Variants in AUTS2 observed in about 807,000 individuals in gnomAD.
AUTS2 encodes autism susceptibility gene 2 protein.
A neutral mutation model predicts 112.4 loss-of-function variants in AUTS2; 17 were observed. The ratio of observed to expected loss-of-function variants is 0.15; its 90% CI spans 0.10 to 0.23. AUTS2 has a LOEUF of 0.23. AUTS2 is among the 10% of genes least tolerant of loss of function. AUTS2 has a pLI of 1.00. For synonymous variants in AUTS2, 751 were observed against 702.7 expected (o/e 1.07, Z -1.09); for missense variants, 1,510 against 1,701.6 (o/e 0.89, Z 1.98).
At position 70,766,029 on chromosome 7, in the gene AUTS2, A is replaced by G; in HGVS notation, c.1469-85A>G. The G allele has an allele frequency of 6.5e-7, 1 of 1,539,628 alleles. No individual in the cohort carries two copies. Among genetic ancestry groups the G allele is most frequent in the Non-Finnish European group, 8.8e-7 (1 of 1,140,014 alleles). On this transcript the variant is annotated intron_variant, in intron 8 of 18. Coordinates refer to ENST00000342771, the MANE Select transcript of AUTS2 (RefSeq NM_015570.4). The surrounding 1 kb of genome is among the most constrained non-coding windows in gnomAD (Gnocchi z 4.8). ...CTGTCACCCCTGCCACTGTGTCACC[A>G]GCCCCGTACCCCTCCACAGGAAGGC...
chr7:70,627,863 C>G (rs1006416159), intron 5 of AUTS2, among the ~76,000 whole-genome samples: 2 of 152,134 alleles, frequency 1.3e-5, no homozygotes, highest in Non-Finnish European at 2.9e-5. Flanking sequence ...TAAACGTGGT[C>G]AGGATGTCAT....
At chr7:70,636,411 T>G (rs182827007) in intron 5 of AUTS2, among the ~76,000 whole-genome samples, 4 of 152,234 alleles carry the variant, frequency 2.6e-5, no homozygotes, top group Admixed American at 2.6e-4. Flanking sequence ...TGACCACTAT[T>G]AAGACAGATC....
intron 2 of AUTS2, among the ~76,000 whole-genome samples, chr7:69,920,335 C>A (rs1447426930): frequency 6.6e-6 from 1 of 151,852 alleles, no homozygotes; most frequent in Non-Finnish European, 1.5e-5. Context: ...CTTTGTCACT[C>A]AGGTTGAAGT....
intron 4 of AUTS2, among the ~76,000 whole-genome samples, chr7:70,392,023 C>G (rs1166050220): frequency 2.0e-5 from 3 of 152,096 alleles, no homozygotes; most frequent in East Asian, 1.9e-4. Flanking sequence ...GTGAAGTTTC[C>G]CCCGGGAAAT....
At chr7:70,377,537 A>G (rs1793168209) in intron 4 of AUTS2, among the ~76,000 whole-genome samples, 1 of 151,074 alleles carries the variant, frequency 6.6e-6, no homozygotes, top group Non-Finnish European at 1.5e-5. Flanking sequence ...GGCATTAAAT[A>G]CATTCGCATT....
intron 5 of AUTS2, among the ~76,000 whole-genome samples, chr7:70,462,585 A>G (rs891814688): frequency 6.6e-6 from 1 of 152,142 alleles, no homozygotes; most frequent in Admixed American, 6.5e-5. Context: ...TCTACATCCT[A>G]TAGTTGTGAT....
At chr7:69,877,803 A>G (rs1028282833) in intron 1 of AUTS2, among the ~76,000 whole-genome samples, 7 of 152,184 alleles carry the variant, frequency 4.6e-5, no homozygotes, top group Non-Finnish European at 8.8e-5. Context: ...GGAACATCCT[A>G]CAGACCACTG....
At chr7:70,411,568 TAA>T (rs1008802364) in intron 4 of AUTS2, among the ~76,000 whole-genome samples, 3 of 148,450 alleles carry the variant, frequency 2.0e-5, no homozygotes, top group Admixed American at 2.0e-4. Context: ...TGGTCACATT[TAA>T]AAAAAAAAGT....
At chr7:70,731,159 A>G (rs908042304) in intron 6 of AUTS2, among the ~76,000 whole-genome samples, 1 of 152,134 alleles carries the variant, frequency 6.6e-6, no homozygotes, top group African/African-American at 2.4e-5. Flanking sequence ...TACTCTTAAA[A>G]TGATGTGCAA....
intron 5 of AUTS2, among the ~76,000 whole-genome samples, chr7:70,667,455 G>A (rs926440941): frequency 2.0e-5 from 3 of 152,120 alleles, no homozygotes; most frequent in African/African-American, 7.2e-5. Context: ...TTGACACAAG[G>A]CCCCCAAAGA....
intron 2 of AUTS2, among the ~76,000 whole-genome samples, chr7:70,069,263 C>T (rs1018844205): frequency 2.0e-5 from 3 of 152,190 alleles, no homozygotes; most frequent in African/African-American, 7.2e-5. Flanking sequence ...TGTTTGTGAT[C>T]AGACAACCCT....
At chr7:70,453,414 T>C (rs1796610771) in intron 5 of AUTS2, among the ~76,000 whole-genome samples, 1 of 152,208 alleles carries the variant, frequency 6.6e-6, no homozygotes, top group South Asian at 2.1e-4. Flanking sequence ...CAATGTAACA[T>C]AGGATGTGTT....
At chr7:70,597,199 G>A (rs1174848954) in intron 5 of AUTS2, among the ~76,000 whole-genome samples, 2 of 152,166 alleles carry the variant, frequency 1.3e-5, no homozygotes, top group Non-Finnish European at 2.9e-5. Flanking sequence ...AACAGCTTGG[G>A]CCAAGCAAGA....
chr7:70,687,045 C>A (rs1361839920), intron 5 of AUTS2, among the ~76,000 whole-genome samples: 4 of 152,202 alleles, frequency 2.6e-5, no homozygotes, highest in African/African-American at 4.8e-5. Context: ...TTAATTACCA[C>A]CCCCCAACTC....
In AUTS2 at chr7:70,480,406, A is replaced by C. The variant is rs146947437; in HGVS notation, c.690+44625A>C. Among the ~76,000 whole-genome samples, 543 of 152,334 alleles carry C rather than the reference A, an allele frequency of 3.6e-3. 4 individuals are homozygous for C. The highest frequency in any genetic ancestry group is 5.4e-3 in the Non-Finnish European group (367 of 68,032). ...AGGATACGTGCTTTTGCCAATCTAC[A>C]TGGCCATATCCTTGCATGCTTATTT... is the stretch of plus-strand genomic sequence containing the variant. On this transcript the variant is annotated intron_variant, in intron 5 of 18. Coordinates refer to ENST00000342771, the MANE Select transcript of AUTS2 (RefSeq NM_015570.4).
chr7:70,178,812 G>A (rs1364723338), intron 4 of AUTS2, among the ~76,000 whole-genome samples: 1 of 151,950 alleles, frequency 6.6e-6, no homozygotes, highest in African/African-American at 2.4e-5. Flanking sequence ...AAAAATGTAG[G>A]TCTTATGGAG....
At chr7:70,043,431 A>C (rs991077473) in intron 2 of AUTS2, among the ~76,000 whole-genome samples, 1 of 152,050 alleles carries the variant, frequency 6.6e-6, no homozygotes, top group Non-Finnish European at 1.5e-5. Context: ...AAGAACAGAC[A>C]ATGTTTTCTT....
intron 1 of AUTS2, among the ~76,000 whole-genome samples, chr7:69,739,384 A>C (rs775958468): frequency 6.6e-6 from 1 of 152,136 alleles, no homozygotes; most frequent in South Asian, 2.1e-4. Context: ...CCCACCTCTG[A>C]GTCATTCCGC....
chr7:70,276,214 A>G lies in AUTS2; in HGVS notation c.660+141643A>G, dbSNP rs541532932. ...ATCAAAGAAAGAGTGTACATGAAGT[A>G]TTTTCAAGAATATGCCTATAAAATA... On this transcript the variant is annotated intron_variant, in intron 4 of 18. Coordinates refer to ENST00000342771, the MANE Select transcript of AUTS2 (RefSeq NM_015570.4). 3.4e-4 allele frequency among the ~76,000 whole-genome samples: 52 copies of G among 152,304 alleles called. 1 individual carries two copies. The highest frequency in any genetic ancestry group is 1.1e-3 in the African/African-American group (45 of 41,580).
Sources: gnomAD v4.1 joint callset for allele counts (sites outside exome capture counted in the v4.1 genomes callset) on GRCh38, gnomAD v4.1.1 for gene constraint, Gnocchi (gnomAD v3.1) non-coding constraint, MANE v1.5 for transcripts, NCBI Gene and HGNC (gene_info 2026-07-23, HGNC 2026-07-21) for gene names.